The following SHTN1 variants were observed in gnomAD, a reference collection of about 807,000 sequenced individuals.
SHTN1 encodes shootin 1.
In SHTN1, 42 loss-of-function variants were observed where a neutral mutation model predicts 83.1. The observed-to-expected ratio is 0.51, with a 90% CI of 0.39 to 0.65. The LOEUF (loss-of-function observed/expected upper bound fraction) is 0.65, where lower values mean the gene tolerates loss of function less well. Among genes scored for constraint, SHTN1 ranks in the 30% least tolerant of loss-of-function variants. The pLI is 0.00. For missense variants in SHTN1, 622 were observed against 737.8 expected (o/e 0.84, Z 1.82); for synonymous variants, 224 against 247.7 (o/e 0.90, Z 0.90).
At chr10:117,098,566 T>C (rs1853541354) in intron 1 of SHTN1, among the ~76,000 whole-genome samples, 1 of 152,122 alleles carries the variant, frequency 6.6e-6, no homozygotes, top group African/African-American at 2.4e-5. Context: ...TACAAGCCAC[T>C]TAACGCTTCC....
intron 8 of SHTN1, among the ~76,000 whole-genome samples, chr10:116,943,116 G>A (rs1849446972): frequency 6.6e-6 from 1 of 152,204 alleles, no homozygotes. Context: ...AATAACGTAA[G>A]TACCATTGCT....
At chr10:116,948,021 G>A (rs1042473029) in intron 7 of SHTN1, among the ~76,000 whole-genome samples, 4 of 152,186 alleles carry the variant, frequency 2.6e-5, no homozygotes, top group African/African-American at 9.7e-5. Flanking sequence ...GCCCTGGGTC[G>A]CAAAGGTTTC....
At chr10:117,053,611 G>A (rs1247622340) in intron 1 of SHTN1, among the ~76,000 whole-genome samples, 1 of 152,180 alleles carries the variant, frequency 6.6e-6, no homozygotes, top group Non-Finnish European at 1.5e-5. Context: ...AATGGGAAGT[G>A]TTGGCAAGGA....
upstream of SHTN1, among the ~76,000 whole-genome samples, chr10:117,008,717 A>C (rs552745022): frequency 6.6e-6 from 1 of 152,284 alleles, no homozygotes; most frequent in South Asian, 2.1e-4. Flanking sequence ...CTGGGAGAAA[A>C]CAGGGAATGG....
intron 16 of SHTN1, among the ~76,000 whole-genome samples, chr10:116,893,224 G>C (rs1196252602): frequency 6.6e-6 from 1 of 152,062 alleles, no homozygotes; most frequent in Non-Finnish European, 1.5e-5. Context: ...TAACTCCTTG[G>C]CAGCGGGGGA....
chr10:116,981,613 T>TA (rs767740712), intron 1 of SHTN1, among the ~76,000 whole-genome samples: 32 of 152,212 alleles, frequency 2.1e-4, no homozygotes, highest in Non-Finnish European at 2.5e-4. Flanking sequence ...AAAAAACAGA[T>TA]ATATAAGTAT....
chr10:116,979,152 C>T lies in SHTN1; in HGVS notation c.111+104G>A. On this transcript the variant is annotated intron_variant, in intron 2 of 16. Coordinates refer to ENST00000355371, the MANE Select transcript of SHTN1 (RefSeq NM_001127211.3). ...AAGGGAAGAAAAGAAAAGAAAAAAA[C>T]AACCCTCATTCACATTTAACTGAAA... is the stretch of plus-strand genomic sequence containing the variant. The T allele has an allele frequency of 3.2e-6, 3 of 937,312 alleles. No homozygotes were observed. The South Asian group carries it at 4.3e-5, about 13-fold the overall frequency. 58.1% of individuals were successfully genotyped at this position (937,312 alleles called of 1,614,324 possible). A position where few individuals can be genotyped will look rare whatever the true frequency, so the allele number is the denominator to read the frequency against.
intron 4 of SHTN1, 143 bp downstream of exon 4, chr10:116,959,993 T>C (rs1589844712): frequency 1.1e-5 from 6 of 567,638 alleles, no homozygotes; most frequent in African/African-American, 1.9e-5. Context: ...TCCAGGATTC[T>C]GAGGCCTTTT....
chr10:117,097,030 G>GACACACAC (rs5788209), intron 1 of SHTN1, among the ~76,000 whole-genome samples: 11,389 of 148,952 alleles, frequency 0.076, 456 homozygotes, highest in Non-Finnish European at 0.087. Context: ...CACACACATA[G>GACACACAC]ACACACACAC....
At position 116,886,205 on chromosome 10, in the gene SHTN1, A is replaced by G. The variant is rs182348519; in HGVS notation, c.*139T>C. 4.0e-5 allele frequency: 49 copies of G among 1,232,104 alleles called. No individual in the cohort carries two copies. Among genetic ancestry groups the G allele is most frequent in the Non-Finnish European group, 5.4e-5 (49 of 901,678 alleles). 76.3% of individuals were successfully genotyped at this position (1,232,104 alleles called of 1,614,324 possible). On this transcript the variant is annotated 3_prime_UTR_variant, in exon 17 of 17. Coordinates refer to ENST00000355371, the MANE Select transcript of SHTN1 (RefSeq NM_001127211.3). ...ACTTATGTTTATAGTTGCTACTTACAAAAGTGACACCAGAAAAGAACCTGT... is the reference window on the plus strand; with the variant it reads ...ACTTATGTTTATAGTTGCTACTTACGAAAGTGACACCAGAAAAGAACCTGT...
Position 117,050,313 on chromosome 10 carries a change from G to C in SHTN1, c.-188-1803C>G, listed in dbSNP as rs1389166916. On this transcript the variant is annotated intron_variant, in intron 1 of 17. Transcript: ENST00000392901. ...CATCAGTATCAGGAATAATACAGAA[G>C]ATTTCACTACAGCCATTAAAATTAT... Among the ~76,000 whole-genome samples the C allele has an allele frequency of 2.6e-5, 4 of 151,868 alleles. No individual in the cohort carries two copies. The East Asian group carries it at 5.8e-4, about 22-fold the overall frequency.
intron 3 of SHTN1, among the ~76,000 whole-genome samples, chr10:116,963,761 TA>T (rs1249770690): frequency 1.1e-4 from 16 of 152,166 alleles, no homozygotes; most frequent in Admixed American, 1.0e-3. Context: ...GGGGATTCGT[TA>T]AATTATTTTC....
At chr10:117,111,220 A>C (rs774550249) in intron 1 of SHTN1, among the ~76,000 whole-genome samples, 14 of 152,070 alleles carry the variant, frequency 9.2e-5, no homozygotes, top group Admixed American at 3.9e-4. Flanking sequence ...AACAAAAGAC[A>C]CAGATTGCTA....
At chr10:117,049,378 AC>A (rs201806876) in intron 1 of SHTN1, among the ~76,000 whole-genome samples, 50 of 151,186 alleles carry the variant, frequency 3.3e-4, no homozygotes, top group Non-Finnish European at 6.2e-4. Context: ...AACAACAACA[AC>A]AAAAAAAACA....
intron 1 of SHTN1, among the ~76,000 whole-genome samples, chr10:117,123,253 C>T (rs1233808980): frequency 3.3e-5 from 5 of 152,160 alleles, no homozygotes; most frequent in East Asian, 1.9e-4. Flanking sequence ...CTGCCTGCCT[C>T]GGCCTCCCAA....
chr10:117,082,819 T>C (rs1208045531), intron 1 of SHTN1, among the ~76,000 whole-genome samples: 1 of 151,910 alleles, frequency 6.6e-6, no homozygotes, highest in Non-Finnish European at 1.5e-5. Flanking sequence ...TTGATCTTTG[T>C]TGGTTTAAAG....
At chr10:117,019,981 C>T (rs989767596) in intron 2 of SHTN1, among the ~76,000 whole-genome samples, 5 of 151,956 alleles carry the variant, frequency 3.3e-5, no homozygotes, top group South Asian at 2.1e-4. Context: ...CATCTACAGA[C>T]GTGATGTAAT....
chr10:116,912,293 C>G (rs915112318), intron 13 of SHTN1, among the ~76,000 whole-genome samples: 1 of 152,206 alleles, frequency 6.6e-6, no homozygotes, highest in African/African-American at 2.4e-5. Flanking sequence ...AAACCTCTCT[C>G]AGCTCCACCA....
At chr10:116,916,943 G>GT (rs1848405000) in intron 12 of SHTN1, among the ~76,000 whole-genome samples, 1 of 152,168 alleles carries the variant, frequency 6.6e-6, no homozygotes, top group Non-Finnish European at 1.5e-5. Flanking sequence ...GTCAAAACAA[G>GT]TATCTTTTGC....
Sources: allele counts gnomAD v4.1 joint callset (sites outside exome capture counted in the v4.1 genomes callset), GRCh38; gene constraint gnomAD v4.1.1; transcripts MANE v1.5; gene names NCBI Gene and HGNC (gene_info 2026-07-23, HGNC 2026-07-21).